Variants in GFAP observed in about 807,000 individuals in gnomAD.
GFAP encodes the protein intermediate filament protein.
Under a neutral mutation model 49.3 loss-of-function variants are expected in GFAP, and 38 were observed. That is an observed-to-expected ratio of 0.77 (90% CI 0.60 to 1.01). The LOEUF (loss-of-function observed/expected upper bound fraction) is 1.01. GFAP is among the 50% of genes least tolerant of loss of function. GFAP has a pLI of 0.00. For missense variants in GFAP, 463 were observed against 579.1 expected (o/e 0.80, Z 2.06); for synonymous variants, 222 against 236.4 (o/e 0.94, Z 0.56).
At position 44,904,124 on chromosome 17, in the gene GFAP, A is replaced by G. The variant is rs2051609931; in HGVS notation, c.*3223T>C. 6.4e-7 allele frequency: 1 copy of G among 1,550,564 alleles called. No homozygotes were observed. The highest frequency in any genetic ancestry group is 2.0e-5 in the Admixed American group (1 of 51,002). Reference sequence around the variant, plus strand: ...AGCCCAGGTACGTGTGGGCAGCGACATGCTGACCCGCTTCAGCATCCGCAT... The same window carrying G: ...AGCCCAGGTACGTGTGGGCAGCGACGTGCTGACCCGCTTCAGCATCCGCAT... On this transcript the variant is annotated 3_prime_UTR_variant, in exon 9 of 9. Coordinates refer to ENST00000588735, the MANE Select transcript of GFAP (RefSeq NM_002055.5).
Position 44,914,010 on chromosome 17 carries a change from C to T in GFAP, c.522+18G>A, listed in dbSNP as rs1327201041. 1.3e-6 allele frequency: 2 copies of T among 1,515,488 alleles called. No individual in the cohort carries two copies. The highest frequency in any genetic ancestry group is 1.2e-5 in the South Asian group (1 of 84,430). 93.9% of individuals were successfully genotyped at this position (1,515,488 alleles called of 1,614,324 possible). ...ATCCTTTCCTCCCTCCCCTGCCCCT[C>T]CCCTCCACCTCCCTGACCTGTCTAT... is the stretch of plus-strand genomic sequence containing the variant. On this transcript the variant is annotated intron_variant, in intron 2 of 8. Transcript: ENST00000588735.
At chr17:44,908,277 A>G (rs760988105) in intron 7 of GFAP, 128 bp from the exon 8 acceptor site, 19 of 691,130 alleles carry the variant, frequency 2.7e-5, no homozygotes, top group Non-Finnish European at 4.7e-5. Context: ...CCGAGCAGAG[A>G]GAGCCTAGGC....
chr17:44,912,783 T>A (rs1007330153), intron 4 of GFAP: 3 of 234,996 alleles, frequency 1.3e-5, no homozygotes, highest in African/African-American at 2.2e-5. Context: ...ACCTTCCAGG[T>A]CAGACACCTC....
At chr17:44,908,692 C>T (rs1235260398) in intron 7 of GFAP, 2 of 152,348 alleles carry the variant, frequency 1.3e-5, no homozygotes, top group Admixed American at 6.5e-5. Flanking sequence ...GAAACCCTGT[C>T]TCTACTAAAA....
At chr17:44,910,308 G>A in intron 7 of GFAP, 1 of 1,613,844 alleles carries the variant, frequency 6.2e-7, no homozygotes, top group Non-Finnish European at 8.5e-7. Context: ...ACACTCAGAA[G>A]GGCAGTGCTT....
Position 44,907,407 on chromosome 17 carries a change from G to T in GFAP, c.1258-19C>A. The T allele has an allele frequency of 1.3e-6, 2 of 1,578,168 alleles. No homozygotes were observed. Among genetic ancestry groups the T allele is most frequent in the Non-Finnish European group, 8.7e-7 (1 of 1,147,254 alleles). On this transcript the variant is annotated intron_variant, in intron 8 of 8. Coordinates refer to ENST00000588735, the MANE Select transcript of GFAP (RefSeq NM_002055.5). ...TAATGACCTGCAGGGGACAGGGAAC[G>T]TGCACAGTGCAACAGTTAGGAGTTC...
At position 44,911,391 on chromosome 17, in the gene GFAP, A is replaced by G. The variant is rs767003792; in HGVS notation, c.972T>C (p.Tyr324=). 3 of 1,613,872 alleles carry G rather than the reference A, an allele frequency of 1.9e-6. No individual in the cohort carries two copies. Among genetic ancestry groups the G allele is most frequent in the African/African-American group, 2.7e-5 (2 of 75,038 alleles). The change falls in exon 6 of 9, where the codon TAT becomes TAC. Residue 324 remains tyrosine, a synonymous_variant. Transcript: ENST00000588735. ...EERHVREAAS[Y]QEALARLEEE... Reference sequence around the variant, plus strand: ...CCTCCAGCCGCGCCAGCGCCTCCTGATAACTGGCCGCCTCCCGCACGTGCC... The same window carrying G: ...CCTCCAGCCGCGCCAGCGCCTCCTGGTAACTGGCCGCCTCCCGCACGTGCC...
At chr17:44,914,934 G>T (rs1293154458) in intron 1 of GFAP, 92 bp downstream of exon 1, 11 of 1,142,398 alleles carry the variant, frequency 9.6e-6, no homozygotes, top group Admixed American at 4.0e-5. Context: ...GAGCAGGGAG[G>T]TTCGGCCCCT....
chr17:44,904,193 C>A lies in GFAP; in HGVS notation c.*3154G>T. On this transcript the variant is annotated 3_prime_UTR_variant, in exon 9 of 9. Transcript: ENST00000588735. ...CAGGGCTCAGTCTGAGGACTCAGGC[C>A]TGTACTTCTGCGGCACCCGCAAGGG... is the stretch of plus-strand genomic sequence containing the variant. 6.4e-7 allele frequency: 1 copy of A among 1,550,590 alleles called. No individual in the cohort carries two copies.
At position 44,907,265 on chromosome 17, in the gene GFAP, T is replaced by G; in HGVS notation, c.*82A>C. 2 of 1,312,374 alleles carry G rather than the reference T, an allele frequency of 1.5e-6. No individual in the cohort carries two copies. Among genetic ancestry groups the G allele is most frequent in the Non-Finnish European group, 2.2e-6 (2 of 906,054 alleles). The allele number at this position is 1,312,374 out of a possible 1,614,324, so 81.3% of individuals were successfully genotyped here. A position where few individuals can be genotyped will look rare whatever the true frequency, so the allele number is the denominator to read the frequency against. On this transcript the variant is annotated 3_prime_UTR_variant, in exon 9 of 9. Transcript: ENST00000588735. ...TGGGGAGCTCAGGTCTGGGGAAATG[T>G]GCCAGCAGAGGCGGAGCAACTATCC... is the stretch of plus-strand genomic sequence containing the variant.
intron 4 of GFAP, 36 bp from the exon 5 acceptor site, chr17:44,911,833 C>T (rs2051778665): frequency 6.3e-7 from 1 of 1,597,194 alleles, no homozygotes; most frequent in South Asian, 1.1e-5. Flanking sequence ...CTGTGTGGGC[C>T]CATGGGCAGG....
chr17:44,913,148 T>C (rs951287555), intron 4 of GFAP, 121 bp downstream of exon 4: 3 of 989,746 alleles, frequency 3.0e-6, no homozygotes, highest in Admixed American at 3.4e-5. Context: ...ACTTCTCTGG[T>C]GAAAGTCAGT....
intron 7 of GFAP, chr17:44,909,935 C>T: frequency 1.7e-5 from 24 of 1,429,046 alleles, no homozygotes; most frequent in Non-Finnish European, 2.2e-5. Context: ...ACCTTTACCA[C>T]TAACAAGCTC....
intron 8 of GFAP, 64 bp downstream of exon 8, chr17:44,908,000 A>G (rs763069156): frequency 8.8e-7 from 1 of 1,136,090 alleles, no homozygotes; most frequent in Non-Finnish European, 1.3e-6. Flanking sequence ...GCTTTCCTCC[A>G]TGGCCTGGCC....
Position 44,913,283 on chromosome 17 carries a change from A to T in GFAP, c.766T>A (p.Trp256Arg). The T allele has an allele frequency of 6.2e-7, 1 of 1,613,742 alleles. No individual in the cohort carries two copies. Among genetic ancestry groups the T allele is most frequent in the Non-Finnish European group, 8.5e-7 (1 of 1,179,918 alleles). Residue 256 changes from tryptophan to arginine, a missense_variant, in exon 4 of 9, where the codon TGG becomes AGG. By Grantham distance (101) the Trp-to-Arg change is moderately radical (BLOSUM62 -3). Coordinates refer to ENST00000588735, the MANE Select transcript of GFAP (RefSeq NM_002055.5). ...ASSNMHEAEE[W>R]YRSKFADLTD... The stretch of plus-strand genomic sequence containing the variant: ...GGCAGGGCTACCTTGGAGCGGTACC[A>T]CTCTTCGGCTTCATGCATGTTGCTG...
Position 44,903,419 on chromosome 17 carries a change from C to G in GFAP, c.*3928G>C. 1 of 1,252,504 alleles carries G rather than the reference C, an allele frequency of 8.0e-7. No individual in the cohort carries two copies. The highest frequency in any genetic ancestry group is 1.0e-6 in the Non-Finnish European group (1 of 1,000,128). 77.6% of individuals were successfully genotyped at this position (1,252,504 alleles called of 1,614,324 possible). A position where few individuals can be genotyped will look rare whatever the true frequency, so the allele number is the denominator to read the frequency against. On this transcript the variant is annotated 3_prime_UTR_variant, in exon 9 of 9. Transcript: ENST00000588735. ...CAGGAGGGTGGGTTTCCTTCATCCCCCAGGTTGATGAAAGACTTTTCCACC... is the reference window on the plus strand; with the variant it reads ...CAGGAGGGTGGGTTTCCTTCATCCCGCAGGTTGATGAAAGACTTTTCCACC...
At chr17:44,908,197 G>T in intron 7 of GFAP, 48 bp from the exon 8 acceptor site, 1 of 1,323,302 alleles carries the variant, frequency 7.6e-7, no homozygotes, top group Non-Finnish European at 1.1e-6. Flanking sequence ...CAGGGCATGA[G>T]CCATCCTCTC....
In GFAP at chr17:44,915,095, G is replaced by T. The variant is rs1375143443; in HGVS notation, c.392C>A (p.Thr131Asn). 1 of 1,613,558 alleles carries T rather than the reference G, an allele frequency of 6.2e-7. No individual in the cohort carries two copies. The highest frequency in any genetic ancestry group is 1.3e-5 in the African/African-American group (1 of 74,932). Residue 131 changes from threonine (T) to asparagine (N), a missense_variant, in exon 1 of 9, where the codon ACC becomes AAC. Coordinates refer to ENST00000588735, the MANE Select transcript of GFAP (RefSeq NM_002055.5). This position sits in a 1 kb window ranked among gnomAD's most constrained non-coding sequence, Gnocchi z 4.1. ...RELRLRLDQL[T>N]ANSARLEVER... ...AACCTCCAGCCGGGCGCTGTTGGCG[G>T]TGAGTTGATCGAGCCGCAGCCGCAG...
intron 7 of GFAP, chr17:44,909,882 C>G (rs762853506): frequency 7.6e-7 from 1 of 1,322,204 alleles, no homozygotes; most frequent in Non-Finnish European, 9.7e-7. Context: ...GCTGCTTGCT[C>G]AGAGGCCCCA....
Sources: gnomAD v4.1 joint callset for allele counts on GRCh38, gnomAD v4.1.1 for gene constraint, Gnocchi (gnomAD v3.1) non-coding constraint, MANE v1.5 for transcripts, NCBI Gene and HGNC (gene_info 2026-07-23, HGNC 2026-07-21) for gene names.